Variants in GRM7 observed in about 807,000 individuals in gnomAD.
GRM7 encodes the protein metabotropic glutamate receptor 7.
In GRM7, 35 loss-of-function variants were observed where a neutral mutation model predicts 84.5. The ratio of observed to expected loss-of-function variants is 0.41; its 90% CI spans 0.32 to 0.55. The LOEUF (loss-of-function observed/expected upper bound fraction) is 0.55. GRM7 is among the 20% of genes least tolerant of loss of function. The pLI is 0.19. For synonymous variants in GRM7, 487 were observed against 455.1 expected (o/e 1.07, Z -0.89); for missense variants, 1,003 against 1,194.6 (o/e 0.84, Z 2.36).
chr3:7,372,460 A>G (rs1694178578), intron 4 of GRM7, among the ~76,000 whole-genome samples: 1 of 152,180 alleles, frequency 6.6e-6, no homozygotes, highest in African/African-American at 2.4e-5. Context: ...TGTAGAGGGC[A>G]GTCTGTATGC....
chr3:7,356,064 G>A (rs944701072), intron 4 of GRM7, among the ~76,000 whole-genome samples: 1 of 152,084 alleles, frequency 6.6e-6, no homozygotes, highest in Non-Finnish European at 1.5e-5. Context: ...GCACCTGGTT[G>A]TGCACTTTTC....
At chr3:6,935,027 A>G (rs74427993) in intron 1 of GRM7, among the ~76,000 whole-genome samples, 6,915 of 152,302 alleles carry the variant, frequency 0.045, 176 homozygotes, top group African/African-American at 0.048. Flanking sequence ...TTCATTGATC[A>G]TTACCAAAAC....
intron 1 of GRM7, among the ~76,000 whole-genome samples, chr3:6,941,609 T>C (rs1483257456): frequency 6.6e-6 from 1 of 152,220 alleles, no homozygotes; most frequent in Non-Finnish European, 1.5e-5. Context: ...CAAAGCCACA[T>C]TTAAATACAG....
At chr3:7,198,782 C>A (rs575150851) in intron 2 of GRM7, among the ~76,000 whole-genome samples, 4 of 152,164 alleles carry the variant, frequency 2.6e-5, no homozygotes, top group African/African-American at 9.6e-5. Flanking sequence ...GCTTTCACAC[C>A]ATCATAAAGT....
intron 5 of GRM7, among the ~76,000 whole-genome samples, chr3:7,433,616 G>A (rs766542381): frequency 1.3e-5 from 2 of 152,208 alleles, no homozygotes; most frequent in Admixed American, 1.3e-4. Context: ...AGTGATTGAA[G>A]CATAAGTAAT....
rs1029865184 is a variant in GRM7 at position 6,863,673 on chromosome 3, G to A, written c.519+1766G>A. ...CATCTTTGAGCTTAAAGCTAGACAA[G>A]TTGAGGTAGCAGTGCAGCGGGAGAG... On this transcript the variant is annotated intron_variant, in intron 1 of 9. Transcript: ENST00000357716. The surrounding 1 kb of genome is among the most constrained non-coding windows in gnomAD (Gnocchi z 4.8). Among the ~76,000 whole-genome samples, 6 of 152,190 alleles carry A rather than the reference G, an allele frequency of 3.9e-5. No individual in the cohort carries two copies. The highest frequency in any genetic ancestry group is 1.2e-4 in the African/African-American group (5 of 41,454).
intron 1 of GRM7, among the ~76,000 whole-genome samples, chr3:6,917,494 CTTTT>C (rs35883512): frequency 1.6e-5 from 2 of 126,354 alleles, no homozygotes; most frequent in African/African-American, 3.0e-5. Flanking sequence ...TTGTTAATTG[CTTTT>C]TTTTTTTTTT....
At chr3:7,522,187 T>C (rs1235635906) in intron 7 of GRM7, among the ~76,000 whole-genome samples, 1 of 152,178 alleles carries the variant, frequency 6.6e-6, no homozygotes, top group Non-Finnish European at 1.5e-5. Context: ...ATCAAAATCA[T>C]TGTAACATGA....
chr3:7,405,603 T>C (rs1420803838), intron 4 of GRM7, among the ~76,000 whole-genome samples: 1 of 152,122 alleles, frequency 6.6e-6, no homozygotes, highest in Non-Finnish European at 1.5e-5. Context: ...TTTGTAAAAA[T>C]TAGGTGTGTT....
chr3:7,054,793 A>G (rs1697153336), intron 1 of GRM7, among the ~76,000 whole-genome samples: 1 of 151,506 alleles, frequency 6.6e-6, no homozygotes, highest in African/African-American at 2.4e-5. Flanking sequence ...CAGCAAAGCT[A>G]CTGTTTTCTG....
At chr3:7,308,958 C>G (rs1249285347) in intron 4 of GRM7, among the ~76,000 whole-genome samples, 2 of 152,132 alleles carry the variant, frequency 1.3e-5, no homozygotes, top group East Asian at 3.9e-4. Flanking sequence ...AGAACAGCAT[C>G]ATGAACTAGC....
chr3:7,358,063 C>T (rs1301611679), intron 4 of GRM7, among the ~76,000 whole-genome samples: 3 of 152,094 alleles, frequency 2.0e-5, no homozygotes, highest in Non-Finnish European at 4.4e-5. Context: ...TCCGTTGCTC[C>T]ATTCCTCCTC....
intron 1 of GRM7, among the ~76,000 whole-genome samples, chr3:7,074,089 G>A (rs1697980474): frequency 1.3e-5 from 2 of 152,144 alleles, no homozygotes; most frequent in African/African-American, 4.8e-5. Context: ...AAATATTAAT[G>A]TTTTTATATT....
rs150093232 is a variant in GRM7 at position 7,302,153 on chromosome 3, T to C, written c.878+3328T>C. On this transcript the variant is annotated intron_variant, in intron 3 of 9. Coordinates refer to ENST00000357716, the MANE Select transcript of GRM7 (RefSeq NM_000844.4). ...CTTTGCCTCCAGTTTGCTAGAAAAATTAAAGGTTAAGGAGAATAATCACAA... is the reference window on the plus strand; with the variant it reads ...CTTTGCCTCCAGTTTGCTAGAAAAACTAAAGGTTAAGGAGAATAATCACAA... Among the ~76,000 whole-genome samples, 723 of 152,232 alleles carry C rather than the reference T, an allele frequency of 4.7e-3. 6 individuals are homozygous for C. The highest frequency in any genetic ancestry group is 0.017 in the African/African-American group (697 of 41,560).
At chr3:7,579,826 T>TTAG (rs1345474456) in intron 8 of GRM7, among the ~76,000 whole-genome samples, 3 of 152,160 alleles carry the variant, frequency 2.0e-5, no homozygotes, top group Non-Finnish European at 4.4e-5. Flanking sequence ...TCCATTGCAC[T>TTAG]TAGTACTCAA....
intron 7 of GRM7, among the ~76,000 whole-genome samples, chr3:7,562,989 A>G (rs1694094565): frequency 1.3e-5 from 2 of 152,162 alleles, no homozygotes; most frequent in Non-Finnish European, 2.9e-5. Flanking sequence ...GAGATTCAAA[A>G]CTTATAAAAA....
intron 2 of GRM7, among the ~76,000 whole-genome samples, chr3:7,200,853 T>C (rs1253858817): frequency 1.3e-5 from 2 of 152,178 alleles, no homozygotes; most frequent in Admixed American, 6.5e-5. Context: ...TTTCTTCCTT[T>C]AGTAACCTAG....
intron 5 of GRM7, among the ~76,000 whole-genome samples, chr3:7,435,323 C>T (rs1696999407): frequency 6.6e-6 from 1 of 151,908 alleles, no homozygotes; most frequent in African/African-American, 2.4e-5. Flanking sequence ...GCCACCACCC[C>T]TGGGTAGTTT....
intron 2 of GRM7, among the ~76,000 whole-genome samples, chr3:7,222,528 AG>A (rs1171360601): frequency 6.6e-6 from 1 of 152,128 alleles, no homozygotes; most frequent in African/African-American, 2.4e-5. Context: ...TGAGTTTAGA[AG>A]TAAATTCATT....
Sources: allele counts gnomAD v4.1 joint callset (sites outside exome capture counted in the v4.1 genomes callset), GRCh38; gene constraint gnomAD v4.1.1; non-coding constraint Gnocchi (gnomAD v3.1); transcripts MANE v1.5; gene names NCBI Gene and HGNC (gene_info 2026-07-23, HGNC 2026-07-21).